The following DLGAP1 variants were observed in gnomAD, a reference collection of about 807,000 sequenced individuals.
DLGAP1 encodes disks large-associated protein 1.
Under a neutral mutation model 90.8 loss-of-function variants are expected in DLGAP1, and 11 were observed. The ratio of observed to expected loss-of-function variants is 0.12; its 90% CI spans 0.08 to 0.20. The LOEUF (loss-of-function observed/expected upper bound fraction) is 0.20. Among genes scored for constraint, DLGAP1 ranks in the 10% least tolerant of loss-of-function variants. The probability of loss-of-function intolerance (pLI) is 1.00; values close to 1 mark genes in which losing one functional copy is unlikely to be tolerated. For synonymous variants in DLGAP1, 558 were observed against 540.7 expected, an observed-to-expected ratio of 1.03 and a Z score of -0.44; for missense variants, 1,050 against 1,333.8, an observed-to-expected ratio of 0.79 and a Z score of 3.31.
intron 10 of DLGAP1, among the ~76,000 whole-genome samples, chr18:3,515,159 G>A (rs1314983860): frequency 1.3e-5 from 2 of 152,280 alleles, no homozygotes; most frequent in South Asian, 4.1e-4. Context: ...TTTACCCACA[G>A]TAAAACTTTT....
chr18:3,994,496 TGACA>T (rs756356079), intron 3 of DLGAP1, among the ~76,000 whole-genome samples: 9 of 152,206 alleles, frequency 5.9e-5, no homozygotes, highest in African/African-American at 1.7e-4. Flanking sequence ...GGATTCTGAC[TGACA>T]GAGTGCGGCT....
intron 1 of DLGAP1, among the ~76,000 whole-genome samples, chr18:4,238,291 A>C (rs1327466833): frequency 6.6e-6 from 1 of 152,196 alleles, no homozygotes; most frequent in African/African-American, 2.4e-5. Flanking sequence ...ATCTAAATAG[A>C]CATTCCAAAC....
intron 1 of DLGAP1, among the ~76,000 whole-genome samples, chr18:4,155,016 A>C (rs942710800): frequency 3.9e-5 from 6 of 152,196 alleles, no homozygotes; most frequent in African/African-American, 1.4e-4. Context: ...AAACAGACCA[A>C]GGTAAGAGGT....
chr18:3,920,290 C>T (rs1245909217), intron 3 of DLGAP1, among the ~76,000 whole-genome samples: 2 of 143,892 alleles, frequency 1.4e-5, no homozygotes, highest in African/African-American at 5.1e-5. Context: ...TTGCAGTGAG[C>T]CGGGGGTTGC....
At position 4,065,775 on chromosome 18, in the gene DLGAP1, C is replaced by T. The variant is rs1020972462; in HGVS notation, c.-158-60574G>A. 2.6e-5 allele frequency among the ~76,000 whole-genome samples: 4 copies of T among 151,972 alleles called. No homozygotes were observed. The East Asian group carries it at 7.7e-4, about 29-fold the overall frequency. On this transcript the variant is annotated intron_variant, in intron 2 of 12. Transcript: ENST00000315677. ...AGCAATTTATAAATTCAATGCTATC[C>T]CCATTAAACTACCACTGACATTCTT...
At chr18:3,716,342 C>T (rs1479719932) in intron 7 of DLGAP1, among the ~76,000 whole-genome samples, 1 of 152,048 alleles carries the variant, frequency 6.6e-6, no homozygotes, top group African/African-American at 2.4e-5. Context: ...TGAGACCAGC[C>T]TGGGCAATAT....
At chr18:3,687,437 A>T (rs780971634) in intron 7 of DLGAP1, among the ~76,000 whole-genome samples, 1 of 152,226 alleles carries the variant, frequency 6.6e-6, no homozygotes, top group Non-Finnish European at 1.5e-5. Context: ...CCAACAACAT[A>T]ATAAAATGTT....
chr18:4,056,178 C>T (rs1373826434), intron 2 of DLGAP1, among the ~76,000 whole-genome samples: 1 of 152,070 alleles, frequency 6.6e-6, no homozygotes, highest in Non-Finnish European at 1.5e-5. Context: ...GCCTTCAGAC[C>T]AAAGCTCAGG....
intron 7 of DLGAP1, among the ~76,000 whole-genome samples, chr18:3,635,216 C>T (rs930568987): frequency 1.4e-4 from 21 of 151,654 alleles, no homozygotes; most frequent in Admixed American, 7.2e-4. Context: ...CTGCAAGCTC[C>T]GCCTCCCGGG....
chr18:3,915,029 C>T (rs2072113127), intron 3 of DLGAP1, among the ~76,000 whole-genome samples: 1 of 152,158 alleles, frequency 6.6e-6, no homozygotes, highest in Non-Finnish European at 1.5e-5. Context: ...AAACATGAGC[C>T]ACCACATTCA....
rs146307596 is a variant in DLGAP1, at chr18:3,591,211, C to T, written c.1592-8963G>A. Among the ~76,000 whole-genome samples the T allele has an allele frequency of 9.2e-5, 14 of 151,532 alleles. No individual in the cohort carries two copies. The East Asian group carries it at 2.7e-3, about 29-fold the overall frequency. ...AATATATTCAAGAGGTAACTTGAAGCCACAGGCTATTTTAGAAAACAAAAT... is the reference window on the plus strand; with the variant it reads ...AATATATTCAAGAGGTAACTTGAAGTCACAGGCTATTTTAGAAAACAAAAT... On this transcript the variant is annotated intron_variant, in intron 7 of 12. Coordinates refer to ENST00000315677, the MANE Select transcript of DLGAP1 (RefSeq NM_004746.4).
chr18:4,108,747 A>C (rs928935212), intron 2 of DLGAP1, among the ~76,000 whole-genome samples: 4 of 152,318 alleles, frequency 2.6e-5, no homozygotes, highest in African/African-American at 7.2e-5. Context: ...TGAGGAAGGA[A>C]GTATCTTCTA....
chr18:4,188,855 C>T lies in DLGAP1; in HGVS notation c.-266-37568G>A, dbSNP rs574532607. Among the ~76,000 whole-genome samples, 8 of 152,214 alleles carry T rather than the reference C, an allele frequency of 5.3e-5. No homozygotes were observed. In the East Asian group the frequency reaches 7.7e-4, roughly 15 times the overall value. On this transcript the variant is annotated intron_variant, in intron 1 of 12. Coordinates refer to ENST00000315677, the MANE Select transcript of DLGAP1 (RefSeq NM_004746.4). ...CATATTCTCTTTGCAACATGCAAAG[C>T]GTCACATAAAGTCATTGACAGATTA... is the stretch of plus-strand genomic sequence containing the variant.
intron 1 of DLGAP1, among the ~76,000 whole-genome samples, chr18:4,426,270 T>C (rs776985792): frequency 1.3e-5 from 2 of 152,172 alleles, no homozygotes; most frequent in Non-Finnish European, 2.9e-5. Flanking sequence ...ATGGCCTGAT[T>C]TGAGGCCACG....
chr18:3,869,215 A>G (rs570501954), intron 4 of DLGAP1, among the ~76,000 whole-genome samples: 40 of 150,156 alleles, frequency 2.7e-4, no homozygotes, highest in African/African-American at 9.8e-4. Context: ...ATTATATTCC[A>G]TCAGCCAATA....
intron 4 of DLGAP1, among the ~76,000 whole-genome samples, chr18:3,878,656 G>C (rs1229248172): frequency 6.6e-6 from 1 of 152,108 alleles, no homozygotes; most frequent in Non-Finnish European, 1.5e-5. Context: ...TTCTAACATA[G>C]CTTCAGGCAG....
At chr18:4,020,612 C>T (rs1350155865) in intron 2 of DLGAP1, among the ~76,000 whole-genome samples, 2 of 152,176 alleles carry the variant, frequency 1.3e-5, no homozygotes, top group Non-Finnish European at 2.9e-5. Context: ...CTGACCTAAC[C>T]AACTCCATCT....
intron 5 of DLGAP1, among the ~76,000 whole-genome samples, chr18:3,809,647 CA>C (rs1346299433): frequency 1.3e-5 from 2 of 152,136 alleles, no homozygotes; most frequent in African/African-American, 2.4e-5. Context: ...CTATTTCTTC[CA>C]GGGGGAGAAT....
At chr18:4,319,359 A>C (rs527902993) in intron 1 of DLGAP1, among the ~76,000 whole-genome samples, 16 of 152,276 alleles carry the variant, frequency 1.1e-4, no homozygotes, top group Admixed American at 5.9e-4. Flanking sequence ...TGTATATCCT[A>C]ATTTAAACAT....
Sources: gnomAD v4.1 joint callset for allele counts (sites outside exome capture counted in the v4.1 genomes callset) on GRCh38, gnomAD v4.1.1 for gene constraint, MANE v1.5 for transcripts, NCBI Gene and HGNC (gene_info 2026-07-23, HGNC 2026-07-21) for gene names.